Variants in EYS observed in about 807,000 individuals in gnomAD.
EYS encodes protein eyes shut homolog.
A neutral mutation model predicts 282.1 loss-of-function variants in EYS; 250 were observed. That is an observed-to-expected ratio of 0.89 (90% CI 0.80 to 0.98). The LOEUF (loss-of-function observed/expected upper bound fraction) is 0.98. Ranked by LOEUF, EYS falls within the 50% of genes least tolerant of loss-of-function variation. EYS has a pLI of 0.00. For missense variants in EYS, 4,016 were observed against 3,709.0 expected, an observed-to-expected ratio of 1.08 and a Z score of -2.15; for synonymous variants, 1,355 against 1,282.9, an observed-to-expected ratio of 1.06 and a Z score of -1.20.
chr6:65,235,306 G>A (rs1415534276), intron 12 of EYS, among the ~76,000 whole-genome samples: 1 of 152,038 alleles, frequency 6.6e-6, no homozygotes, highest in Non-Finnish European at 1.5e-5. Flanking sequence ...CTGTGACTGA[G>A]CCACATTTAA....
At chr6:64,628,146 T>C (rs1767669550) in intron 22 of EYS, among the ~76,000 whole-genome samples, 1 of 152,034 alleles carries the variant, frequency 6.6e-6, no homozygotes, top group South Asian at 2.1e-4. Context: ...GATTTATGGA[T>C]GGTCTGATTT....
At chr6:65,057,423 G>A (rs932506162) in intron 13 of EYS, among the ~76,000 whole-genome samples, 191 bp downstream of exon 13, 6 of 152,074 alleles carry the variant, frequency 3.9e-5, no homozygotes, top group Non-Finnish European at 8.8e-5. Context: ...ATTTTAGTGT[G>A]TATGTAAACA....
At chr6:64,862,684 TA>T (rs1028515290) in intron 19 of EYS, among the ~76,000 whole-genome samples, 18 of 151,194 alleles carry the variant, frequency 1.2e-4, no homozygotes, top group Admixed American at 1.1e-3. Context: ...AAATTATTAT[TA>T]TTTTTTTGCA....
chr6:64,763,509 A>C (rs1773227236), intron 22 of EYS, among the ~76,000 whole-genome samples: 1 of 152,172 alleles, frequency 6.6e-6, no homozygotes, highest in African/African-American at 2.4e-5. Flanking sequence ...CCTCCCACCA[A>C]GTCCTTTCCC....
chr6:64,442,144 G>T (rs1362704469), intron 26 of EYS, among the ~76,000 whole-genome samples: 2 of 152,134 alleles, frequency 1.3e-5, no homozygotes, highest in African/African-American at 4.8e-5. Context: ...GGCTAAGGTG[G>T]TCTAAGACAG....
At chr6:64,283,170 A>G (rs750946997) in intron 30 of EYS, among the ~76,000 whole-genome samples, 1 of 152,114 alleles carries the variant, frequency 6.6e-6, no homozygotes, top group African/African-American at 2.4e-5. Flanking sequence ...CTTTGCCTGA[A>G]ATATTCCCCC....
chr6:64,970,337 A>G (rs765464524), intron 14 of EYS, among the ~76,000 whole-genome samples: 1 of 152,168 alleles, frequency 6.6e-6, no homozygotes, highest in Non-Finnish European at 1.5e-5. Context: ...AGCTGGGATT[A>G]CAGGCATGGG....
chr6:64,305,854 A>G (rs2093296966), intron 30 of EYS, among the ~76,000 whole-genome samples: 1 of 152,224 alleles, frequency 6.6e-6, no homozygotes, highest in Non-Finnish European at 1.5e-5. Context: ...CACCAAATGC[A>G]CAGGCAATGA....
intron 31 of EYS, among the ~76,000 whole-genome samples, chr6:64,121,906 T>C (rs1302458815): frequency 6.6e-6 from 1 of 152,130 alleles, no homozygotes; most frequent in Non-Finnish European, 1.5e-5. Context: ...AATACACCTG[T>C]TTTTGTTTGG....
At chr6:63,987,732 A>G (rs1435509982) in intron 34 of EYS, among the ~76,000 whole-genome samples, 1 of 151,644 alleles carries the variant, frequency 6.6e-6, no homozygotes, top group Admixed American at 6.6e-5. Context: ...ATACAATAAA[A>G]TGGAATACTG....
chr6:64,967,949 C>A (rs762333394), intron 14 of EYS, among the ~76,000 whole-genome samples: 3 of 152,134 alleles, frequency 2.0e-5, no homozygotes, highest in Non-Finnish European at 4.4e-5. Context: ...GTACTGTGCC[C>A]AGTTCATCTT....
In EYS at chr6:65,031,875, A is replaced by T. The variant is rs74462693; in HGVS notation, c.2137+25739T>A. Among the ~76,000 whole-genome samples the T allele has an allele frequency of 5.1e-4, 77 of 152,238 alleles. 1 individual carries two copies. In the East Asian group the frequency reaches 0.013, roughly 25 times the overall value. On this transcript the variant is annotated intron_variant, in intron 13 of 42. Transcript: ENST00000503581. Reference sequence around the variant, plus strand: ...AGTTAGCAGAAAAAAAAATAAGCAAAATCAGAGCTGAACTGAAATTAATAC... The same window carrying T: ...AGTTAGCAGAAAAAAAAATAAGCAATATCAGAGCTGAACTGAAATTAATAC...
At chr6:64,127,194 T>C (rs1232175456) in intron 31 of EYS, among the ~76,000 whole-genome samples, 2 of 152,212 alleles carry the variant, frequency 1.3e-5, no homozygotes, top group Admixed American at 1.3e-4. Flanking sequence ...CTTGTTTGTA[T>C]CTAGGTTTCT....
chr6:64,774,429 G>A (rs75222823), intron 22 of EYS, among the ~76,000 whole-genome samples: 2,997 of 151,998 alleles, frequency 0.02, 60 homozygotes, highest in Middle Eastern at 0.044. Flanking sequence ...TAGACCTGCA[G>A]AGGGAAGGGA....
intron 2 of EYS, among the ~76,000 whole-genome samples, chr6:65,567,916 T>C (rs948908099): frequency 7.9e-5 from 12 of 152,100 alleles, no homozygotes; most frequent in African/African-American, 2.4e-4. Flanking sequence ...AAATATGACA[T>C]TTTGACATGC....
At chr6:64,004,805 T>C (rs9450527) in intron 33 of EYS, among the ~76,000 whole-genome samples, 17,725 of 152,208 alleles carry the variant, frequency 0.12, 3,191 homozygotes, top group African/African-American at 0.39. Context: ...TCTCCTTTTT[T>C]ATGGTTGTGT....
At chr6:65,687,115 T>C (rs1055005338) in intron 1 of EYS, among the ~76,000 whole-genome samples, 1 of 152,106 alleles carries the variant, frequency 6.6e-6, no homozygotes, top group African/African-American at 2.4e-5. Context: ...ACTGTTCTTC[T>C]TGTGTTTTTG....
chr6:64,186,595 T>C (rs754687540), intron 31 of EYS, among the ~76,000 whole-genome samples: 2 of 152,112 alleles, frequency 1.3e-5, no homozygotes, highest in Non-Finnish European at 2.9e-5. Context: ...CTAAGACTTG[T>C]ACTAGGAAAT....
intron 35 of EYS, among the ~76,000 whole-genome samples, chr6:63,897,917 T>G (rs1773572437): frequency 6.6e-6 from 1 of 152,190 alleles, no homozygotes; most frequent in South Asian, 2.1e-4. Context: ...AATCATCACC[T>G]TTGTTTCTGA....
Sources: allele counts gnomAD v4.1 joint callset (sites outside exome capture counted in the v4.1 genomes callset), GRCh38; gene constraint gnomAD v4.1.1; transcripts MANE v1.5; gene names NCBI Gene and HGNC (gene_info 2026-07-23, HGNC 2026-07-21).